Variants in CEP112 observed in about 807,000 individuals in gnomAD.
CEP112 encodes centrosomal protein of 112 kDa.
In CEP112, 127 loss-of-function variants were observed where a neutral mutation model predicts 153.0. The ratio of observed to expected loss-of-function variants is 0.83; its 90% CI spans 0.72 to 0.96. CEP112 has a LOEUF of 0.96. Among genes scored for constraint, CEP112 ranks in the 40% least tolerant of loss-of-function variants. CEP112 has a pLI of 0.00. For synonymous variants in CEP112, 358 were observed against 374.4 expected (o/e 0.96, Z 0.51); for missense variants, 1,089 against 1,101.2 (o/e 0.99, Z 0.16).
chr17:65,716,622 G>A (rs989253412), intron 23 of CEP112, among the ~76,000 whole-genome samples: 18 of 152,142 alleles, frequency 1.2e-4, no homozygotes, highest in Non-Finnish European at 2.2e-4. Context: ...TATATTGTGC[G>A]AATTGTACCG....
chr17:66,074,236 G>A (rs1204875660), intron 8 of CEP112, among the ~76,000 whole-genome samples: 1 of 152,050 alleles, frequency 6.6e-6, no homozygotes, highest in Non-Finnish European at 1.5e-5. Context: ...ATGGATTAGA[G>A]AGAACAGATA....
At chr17:66,006,593 G>A (rs547982744) in intron 16 of CEP112, among the ~76,000 whole-genome samples, 3 of 151,196 alleles carry the variant, frequency 2.0e-5, no homozygotes, top group South Asian at 2.1e-4. Flanking sequence ...GCAACAGAGT[G>A]AGACTCCATC....
chr17:65,986,584 G>A (rs2063415554), intron 17 of CEP112, among the ~76,000 whole-genome samples: 1 of 152,052 alleles, frequency 6.6e-6, no homozygotes, highest in Admixed American at 6.6e-5. Flanking sequence ...CTATATGTAG[G>A]GAGCCATCAT....
At chr17:65,819,216 A>G (rs969682026) in intron 21 of CEP112, among the ~76,000 whole-genome samples, 16 of 152,100 alleles carry the variant, frequency 1.1e-4, no homozygotes, top group African/African-American at 3.4e-4. Context: ...TTTCATGAAC[A>G]CTACCACTAG....
intron 21 of CEP112, among the ~76,000 whole-genome samples, chr17:65,850,197 G>A (rs998848884): frequency 6.7e-6 from 1 of 148,498 alleles, no homozygotes; most frequent in African/African-American, 2.5e-5. Context: ...CCTAATTCCT[G>A]AACTGTATAT....
intron 21 of CEP112, among the ~76,000 whole-genome samples, chr17:65,803,382 G>T (rs1322952604): frequency 6.6e-6 from 1 of 152,192 alleles, no homozygotes; most frequent in Non-Finnish European, 1.5e-5. Flanking sequence ...ATGAAGAAAT[G>T]AAGATTAGAG....
In CEP112 at chr17:66,175,102, A is replaced by C. The variant is rs1429407267; in HGVS notation, c.412T>G (p.Trp138Gly). 6.2e-7 allele frequency: 1 copy of C among 1,613,148 alleles called. No individual in the cohort carries two copies. Among genetic ancestry groups the C allele is most frequent in the South Asian group, 1.1e-5 (1 of 90,948 alleles). The stretch of plus-strand genomic sequence containing the variant: ...TTATCTTCTCCAGAAGAGAGTTTCC[A>C]TGATTCATTTAATTTGTGTTCACTT... ...ETSEHKLNES[W>G]KLSSGEDNTL... is the part of the protein sequence containing the mutation. The change falls in exon 4 of 27, where the codon TGG (tryptophan) becomes GGG (glycine). Residue 138 changes from tryptophan (W) to glycine (G), a missense_variant. By Grantham distance (184) the Trp-to-Gly change is radical (BLOSUM62 -2). Transcript: ENST00000535342.
At chr17:65,902,416 T>C (rs1422224444) in intron 19 of CEP112, 82 bp from the exon 20 acceptor site, 1 of 1,182,768 alleles carries the variant, frequency 8.5e-7, no homozygotes, top group East Asian at 2.7e-5. Flanking sequence ...AATTTTTCTC[T>C]AATTTGTCCA....
intron 18 of CEP112, among the ~76,000 whole-genome samples, chr17:65,957,916 T>C (rs898926709): frequency 2.6e-5 from 4 of 152,212 alleles, no homozygotes; most frequent in African/African-American, 9.6e-5. Flanking sequence ...AGTTTTAGTA[T>C]ATTTTGCTTC....
At position 66,008,595 on chromosome 17, in the gene CEP112, C is replaced by T. The variant is rs920423875; in HGVS notation, c.1657-2826G>A. 4.0e-4 allele frequency among the ~76,000 whole-genome samples: 61 copies of T among 152,106 alleles called. 1 individual carries two copies. The highest frequency in any genetic ancestry group is 2.4e-4 in the Non-Finnish European group (16 of 68,028). ...TGCCTGCCCTCAAGTGAACCTCCCT[C>T]GGCATCCAAAAGTGCTGGGATTTTA... is the stretch of plus-strand genomic sequence containing the variant. On this transcript the variant is annotated intron_variant, in intron 16 of 26. Coordinates refer to ENST00000535342, the MANE Select transcript of CEP112 (RefSeq NM_001199165.4).
At chr17:66,063,748 A>C (rs1476981392) in intron 10 of CEP112, among the ~76,000 whole-genome samples, 1 of 152,196 alleles carries the variant, frequency 6.6e-6, no homozygotes, top group Non-Finnish European at 1.5e-5. Flanking sequence ...TCTAAAAGAT[A>C]AGTATAGGTC....
chr17:65,648,507 C>G (rs112112246), intron 24 of CEP112, among the ~76,000 whole-genome samples: 1 of 152,134 alleles, frequency 6.6e-6, no homozygotes, highest in African/African-American at 2.4e-5. Context: ...CTGTGAAGAC[C>G]AAGACCATCC....
intron 8 of CEP112, among the ~76,000 whole-genome samples, chr17:66,082,110 C>T (rs1239001817): frequency 6.6e-6 from 1 of 152,170 alleles, no homozygotes; most frequent in Admixed American, 6.5e-5. Flanking sequence ...ACCAAAGGAG[C>T]AATTTCTACC....
At chr17:65,757,627 A>G (rs1311645775) in intron 21 of CEP112, among the ~76,000 whole-genome samples, 1 of 152,230 alleles carries the variant, frequency 6.6e-6, no homozygotes, top group African/African-American at 2.4e-5. Context: ...ACTTTAGAGA[A>G]TACGAGTAAC....
At chr17:65,898,598 G>C (rs1170692918) in intron 20 of CEP112, among the ~76,000 whole-genome samples, 2 of 152,154 alleles carry the variant, frequency 1.3e-5, no homozygotes, top group Non-Finnish European at 2.9e-5. Flanking sequence ...ATGATGCTCA[G>C]TGTAGGGAAT....
chr17:65,878,244 T>A (rs1468731241), intron 20 of CEP112, among the ~76,000 whole-genome samples: 2 of 152,166 alleles, frequency 1.3e-5, no homozygotes, highest in Non-Finnish European at 2.9e-5. Context: ...AACTGTGAGA[T>A]GTCGGATGTG....
chr17:66,074,690 C>T (rs1480675114), intron 8 of CEP112, among the ~76,000 whole-genome samples: 8 of 151,752 alleles, frequency 5.3e-5, no homozygotes, highest in Non-Finnish European at 4.4e-5. Context: ...TGGTGAAACC[C>T]CGTCTCTACT....
chr17:66,175,790 A>G (rs2072444434), intron 3 of CEP112, among the ~76,000 whole-genome samples: 2 of 152,218 alleles, frequency 1.3e-5, no homozygotes, highest in African/African-American at 4.8e-5. Flanking sequence ...CTTTGATTCT[A>G]TGAAATTAAG....
chr17:66,108,264 C>T (rs1233637114), intron 6 of CEP112, among the ~76,000 whole-genome samples: 4 of 152,090 alleles, frequency 2.6e-5, no homozygotes, highest in Admixed American at 2.6e-4. Context: ...GCAATTACCC[C>T]ACAAGCACAG....
Sources: allele counts gnomAD v4.1 joint callset (sites outside exome capture counted in the v4.1 genomes callset), GRCh38; gene constraint gnomAD v4.1.1; transcripts MANE v1.5; gene names NCBI Gene and HGNC (gene_info 2026-07-23, HGNC 2026-07-21).